Variants in NME7 observed in about 807,000 individuals in gnomAD.
NME7 encodes NME/NM23 family member 7.
Under a neutral mutation model 49.1 loss-of-function variants are expected in NME7, and 41 were observed. That is an observed-to-expected ratio of 0.83 (90% CI 0.65 to 1.08). NME7 has a LOEUF of 1.08. NME7 is among the 50% of genes least tolerant of loss of function. The pLI is 0.00. For synonymous variants in NME7, 139 were observed against 150.6 expected, an observed-to-expected ratio of 0.92 and a Z score of 0.56; for missense variants, 423 against 463.4, an observed-to-expected ratio of 0.91 and a Z score of 0.80.
chr1:169,358,863 T>C (rs1653553132), intron 1 of NME7, among the ~76,000 whole-genome samples: 2 of 152,112 alleles, frequency 1.3e-5, no homozygotes, highest in South Asian at 4.1e-4. Flanking sequence ...GCAATGTATA[T>C]TGAAAGCCTA....
chr1:169,166,258 T>C (rs1257737846), intron 11 of NME7, among the ~76,000 whole-genome samples: 1 of 152,084 alleles, frequency 6.6e-6, no homozygotes, highest in East Asian at 1.9e-4. Context: ...TATTTATTTA[T>C]AAAATAAGTT....
chr1:169,228,470 G>A (rs904533674), intron 10 of NME7, among the ~76,000 whole-genome samples: 1 of 151,696 alleles, frequency 6.6e-6, no homozygotes, highest in Non-Finnish European at 1.5e-5. Flanking sequence ...GAGGTCAGGA[G>A]ATCGAGACCA....
At chr1:169,217,969 A>G (rs570227634) in intron 10 of NME7, among the ~76,000 whole-genome samples, 7 of 152,032 alleles carry the variant, frequency 4.6e-5, no homozygotes, top group Admixed American at 3.9e-4. Flanking sequence ...CACCACCACC[A>G]CCCAAAGCTT....
intron 11 of NME7, among the ~76,000 whole-genome samples, chr1:169,154,777 G>A (rs148357582): frequency 0.017 from 2,524 of 149,430 alleles, 64 homozygotes; most frequent in African/African-American, 0.056. Context: ...CAGTCTGGGC[G>A]ACAGAGCAAG....
chr1:169,361,316 T>C (rs1043048889), intron 1 of NME7, among the ~76,000 whole-genome samples: 1 of 152,230 alleles, frequency 6.6e-6, no homozygotes, highest in Admixed American at 6.5e-5. Context: ...GGCTCTAAAC[T>C]GCATTTGTAA....
At chr1:169,166,703 C>T (rs1479309006) in intron 11 of NME7, among the ~76,000 whole-genome samples, 1 of 152,132 alleles carries the variant, frequency 6.6e-6, no homozygotes, top group Non-Finnish European at 1.5e-5. Flanking sequence ...GTTGGCCAGG[C>T]GTGGTGGCTC....
At chr1:169,299,288 A>G (rs1650836701) in intron 5 of NME7, among the ~76,000 whole-genome samples, 1 of 152,084 alleles carries the variant, frequency 6.6e-6, no homozygotes, top group African/African-American at 2.4e-5. Flanking sequence ...AAAAATCCCC[A>G]GCAGGCTTCA....
At chr1:169,337,819 T>C (rs1652540286) in intron 1 of NME7, among the ~76,000 whole-genome samples, 1 of 152,224 alleles carries the variant, frequency 6.6e-6, no homozygotes, top group Non-Finnish European at 1.5e-5. Flanking sequence ...TTTGTACCTA[T>C]CCTTTATCAA....
intron 11 of NME7, among the ~76,000 whole-genome samples, chr1:169,162,369 G>A (rs1557968185): frequency 6.6e-6 from 1 of 151,190 alleles, no homozygotes; most frequent in African/African-American, 2.4e-5. Flanking sequence ...AATCACAAAA[G>A]TGGTATCACC....
At chr1:169,204,153 G>A (rs1484628065) in intron 10 of NME7, among the ~76,000 whole-genome samples, 1 of 151,696 alleles carries the variant, frequency 6.6e-6, no homozygotes, top group Non-Finnish European at 1.5e-5. Context: ...ACCACACCAG[G>A]CCAGGGAATT....
In NME7 at chr1:169,267,839, T is replaced by C. The variant is rs1374421117; in HGVS notation, c.754+19464A>G. Among the ~76,000 whole-genome samples the C allele has an allele frequency of 1.5e-5, 2 of 133,166 alleles. 1 individual carries two copies. The highest frequency in any genetic ancestry group is 3.5e-5 in the Non-Finnish European group (2 of 56,650). The allele number at this position is 133,166 out of a possible 152,430, so 87.4% of individuals were successfully genotyped here. On this transcript the variant is annotated intron_variant, in intron 7 of 11. Transcript: ENST00000367811. ...AAACCTAAAACCTAAATAAAAACCCTAAAGGATAACCTAGGAAATATCATT... is the reference window on the plus strand; with the variant it reads ...AAACCTAAAACCTAAATAAAAACCCCAAAGGATAACCTAGGAAATATCATT...
chr1:169,318,086 T>A (rs79728903), intron 3 of NME7, among the ~76,000 whole-genome samples: 35 of 152,274 alleles, frequency 2.3e-4, no homozygotes, highest in Non-Finnish European at 4.7e-4. Flanking sequence ...CTGTGCTCCA[T>A]GGGCTGGGAG....
chr1:169,150,713 C>T (rs1658888873), intron 11 of NME7, among the ~76,000 whole-genome samples: 1 of 147,768 alleles, frequency 6.8e-6, no homozygotes, highest in African/African-American at 2.5e-5. Context: ...AATTGTACTG[C>T]CAGGTGACAG....
chr1:169,336,503 T>A (rs950118060), intron 1 of NME7, among the ~76,000 whole-genome samples: 3 of 152,152 alleles, frequency 2.0e-5, no homozygotes, highest in African/African-American at 7.2e-5. Context: ...CCCATCAGAT[T>A]AGTTAGATAC....
At chr1:169,220,075 T>C (rs1222662049) in intron 10 of NME7, among the ~76,000 whole-genome samples, 6 of 152,200 alleles carry the variant, frequency 3.9e-5, no homozygotes, top group African/African-American at 1.4e-4. Context: ...CAGTTACGCA[T>C]GTTTTCCCCA....
At chr1:169,135,641 T>C (rs1313632631) in intron 11 of NME7, among the ~76,000 whole-genome samples, 1 of 152,184 alleles carries the variant, frequency 6.6e-6, no homozygotes, top group Non-Finnish European at 1.5e-5. Context: ...TCCCCTGGGC[T>C]CTACACTGAG....
intron 10 of NME7, among the ~76,000 whole-genome samples, chr1:169,193,434 T>C (rs977726535): frequency 3.3e-5 from 5 of 152,198 alleles, no homozygotes; most frequent in African/African-American, 1.2e-4. Flanking sequence ...ATGGCACTGG[T>C]GTCAGTGGCT....
rs1651973642 is a variant in NME7 at position 169,324,405 on chromosome 1, TC to T, written c.98del (p.Gly33AspfsTer8). ...AAGGCTTATTTACCATTTCAACAGA[TC>T]CATCCCCTGGGTAAAATAAAAGCTC... ...RYELLFYPGD[G>X]SVEMHDVKNH... On this transcript the variant is annotated frameshift_variant, in exon 2 of 12. Coordinates refer to ENST00000367811, the MANE Select transcript of NME7 (RefSeq NM_013330.5). LOFTEE classifies it high-confidence loss of function. The T allele has an allele frequency of 6.2e-7, 1 of 1,609,292 alleles. No homozygotes were observed.
At chr1:169,214,597 A>T (rs893223715) in intron 10 of NME7, among the ~76,000 whole-genome samples, 3 of 152,230 alleles carry the variant, frequency 2.0e-5, no homozygotes, top group African/African-American at 7.2e-5. Context: ...GAAAAGAAAA[A>T]GGCTTTGTAA....
Sources: gnomAD v4.1 joint callset for allele counts (sites outside exome capture counted in the v4.1 genomes callset) on GRCh38, gnomAD v4.1.1 for gene constraint, MANE v1.5 for transcripts, NCBI Gene and HGNC (gene_info 2026-07-23, HGNC 2026-07-21) for gene names.